SLC22A3: variants seen among roughly 807,000 people sequenced by gnomAD.
SLC22A3 encodes EMT organic cation transporter 3.
Under a neutral mutation model 59.1 loss-of-function variants are expected in SLC22A3, and 51 were observed. The ratio of observed to expected loss-of-function variants is 0.86; its 90% CI spans 0.69 to 1.09. SLC22A3 has a LOEUF of 1.09. Ranked by LOEUF, SLC22A3 falls within the 50% of genes least tolerant of loss-of-function variation. The pLI is 0.00. For synonymous variants in SLC22A3, 325 were observed against 292.0 expected (o/e 1.11, Z -1.15); for missense variants, 711 against 726.3 (o/e 0.98, Z 0.24).
rs988248319 is a variant in SLC22A3, at chr6:160,428,795, C to T, written c.976-7985C>T. On this transcript the variant is annotated intron_variant, in intron 5 of 10. Transcript: ENST00000275300. The stretch of plus-strand genomic sequence containing the variant: ...AATTTTAATACAAATATTTCCCCAT[C>T]GTATATGCTCTTGCATGGTAAATAT... Among the ~76,000 whole-genome samples, 9 of 152,158 alleles carry T rather than the reference C, an allele frequency of 5.9e-5. No individual in the cohort carries two copies. The South Asian group carries it at 6.2e-4, about 11-fold the overall frequency.
intron 1 of SLC22A3, among the ~76,000 whole-genome samples, chr6:160,371,280 C>A (rs1002561614): frequency 2.0e-5 from 3 of 152,030 alleles, no homozygotes; most frequent in Admixed American, 6.6e-5. Flanking sequence ...TTTGCTGCAC[C>A]CATCAACCTG....
chr6:160,408,633 G>A, intron 3 of SLC22A3, 120 bp from the exon 4 acceptor site: 1 of 888,268 alleles, frequency 1.1e-6, no homozygotes, highest in Non-Finnish European at 1.8e-6. Context: ...CTCCGTATCT[G>A]AGTGCTAGCG....
intron 2 of SLC22A3, among the ~76,000 whole-genome samples, chr6:160,406,784 C>T (rs2114851148): frequency 6.6e-6 from 1 of 152,266 alleles, no homozygotes; most frequent in Non-Finnish European, 1.5e-5. Context: ...ACCGGGGAGA[C>T]TCTGTGTGAA....
At chr6:160,378,504 T>TTCC (rs1785677255) in intron 1 of SLC22A3, among the ~76,000 whole-genome samples, 2 of 152,188 alleles carry the variant, frequency 1.3e-5, no homozygotes, top group African/African-American at 4.8e-5. Flanking sequence ...GCTACCATAA[T>TTCC]GTTGAAAGAC....
intron 4 of SLC22A3, 122 bp from the exon 5 acceptor site, chr6:160,410,607 T>C (rs543057275): frequency 4.1e-6 from 3 of 731,716 alleles, no homozygotes; most frequent in African/African-American, 3.5e-5. Context: ...TATTATCAAC[T>C]CTTATTGACT....
intron 1 of SLC22A3, among the ~76,000 whole-genome samples, chr6:160,363,146 T>A (rs1785080587): frequency 1.3e-5 from 2 of 152,008 alleles, no homozygotes; most frequent in Non-Finnish European, 2.9e-5. Context: ...AGGTGGAAGG[T>A]CCGAGAAGAG....
At chr6:160,433,536 A>ACTACTACTACTT (rs2114908551) in intron 5 of SLC22A3, among the ~76,000 whole-genome samples, 1 of 151,190 alleles carries the variant, frequency 6.6e-6, no homozygotes, top group East Asian at 2.0e-4. Context: ...TACTACTACT[A>ACTACTACTACTT]CTACTACTAC....
chr6:160,350,667 ATGAG>A (rs1279743762), intron 1 of SLC22A3, among the ~76,000 whole-genome samples: 1 of 152,246 alleles, frequency 6.6e-6, no homozygotes, highest in Non-Finnish European at 1.5e-5. Flanking sequence ...CGAGGTTTGC[ATGAG>A]TGAGTATGAT....
intron 1 of SLC22A3, among the ~76,000 whole-genome samples, chr6:160,354,490 T>G (rs1002082779): frequency 7.2e-5 from 11 of 152,182 alleles, no homozygotes; most frequent in Non-Finnish European, 1.2e-4. Context: ...AGCTGTAAGT[T>G]TGCTGATCCC....
chr6:160,354,460 T>G lies in SLC22A3; in HGVS notation c.429+5612T>G, dbSNP rs141069768. Among the ~76,000 whole-genome samples the G allele has an allele frequency of 6.5e-3, 991 of 152,304 alleles. 9 individuals carry two copies. Among genetic ancestry groups the G allele is most frequent in the African/African-American group, 0.023 (961 of 41,548 alleles). On this transcript the variant is annotated intron_variant, in intron 1 of 10. Transcript: ENST00000275300. ...CAGGAGGGAGGGAAGGAACAGGCTA[T>G]GGGCCAGATTTGACCCTGGAGCTGT...
chr6:160,396,766 A>G (rs1401301470), intron 1 of SLC22A3, among the ~76,000 whole-genome samples: 1 of 152,122 alleles, frequency 6.6e-6, no homozygotes, highest in Non-Finnish European at 1.5e-5. Flanking sequence ...TTTATCAATT[A>G]TGATCTAAAG....
At chr6:160,396,382 T>C (rs1015658495) in intron 1 of SLC22A3, among the ~76,000 whole-genome samples, 1 of 152,194 alleles carries the variant, frequency 6.6e-6, no homozygotes, top group Non-Finnish European at 1.5e-5. Context: ...AGAGCAGAAC[T>C]GTAGGAGAAC....
intron 1 of SLC22A3, among the ~76,000 whole-genome samples, chr6:160,383,991 G>A (rs1320097669): frequency 1.3e-5 from 2 of 152,264 alleles, no homozygotes; most frequent in Non-Finnish European, 2.9e-5. Flanking sequence ...GTGCAGTGGT[G>A]CCATCTCAGC....
rs77253458 is a variant in SLC22A3, at chr6:160,404,294, A to G, written c.534-2747A>G. ...AAGTCAACTGCTTTCCTATGTACCAACAATGAACAAGTAGGATTTGAATTT... is the reference window on the plus strand; with the variant it reads ...AAGTCAACTGCTTTCCTATGTACCAGCAATGAACAAGTAGGATTTGAATTT... On this transcript the variant is annotated intron_variant, in intron 2 of 10. Transcript: ENST00000275300. Among the ~76,000 whole-genome samples the G allele has an allele frequency of 5.2e-3, 788 of 152,224 alleles. 7 individuals are homozygous for G. The highest frequency in any genetic ancestry group is 0.018 in the African/African-American group (740 of 41,572).
In SLC22A3 at chr6:160,386,680, C is replaced by T. The variant is rs184327021; in HGVS notation, c.430-11299C>T. On this transcript the variant is annotated intron_variant, in intron 1 of 10. Transcript: ENST00000275300. ...CCATGCATAGAGCAGCTGCTGCCAC[C>T]AGCAGCACAGACATCTTCCAAGGGC... Among the ~76,000 whole-genome samples the T allele has an allele frequency of 4.7e-3, 710 of 152,310 alleles. 3 individuals are homozygous for T. The highest frequency in any genetic ancestry group is 0.016 in the African/African-American group (685 of 41,562).
intron 1 of SLC22A3, among the ~76,000 whole-genome samples, chr6:160,366,501 G>A (rs1166253680): frequency 3.3e-5 from 5 of 152,118 alleles, no homozygotes; most frequent in South Asian, 2.1e-4. Flanking sequence ...CTAGGCACAC[G>A]GTGCAAGCTG....
chr6:160,435,544 A>T (rs966535436), intron 5 of SLC22A3, among the ~76,000 whole-genome samples: 4 of 152,230 alleles, frequency 2.6e-5, no homozygotes, highest in Admixed American at 1.3e-4. Context: ...AGATAGGCAT[A>T]AGATATCAAG....
intron 2 of SLC22A3, among the ~76,000 whole-genome samples, chr6:160,402,502 T>A (rs1205067733): frequency 6.6e-6 from 1 of 151,844 alleles, no homozygotes; most frequent in Non-Finnish European, 1.5e-5. Flanking sequence ...CCTATAAAGA[T>A]ATAATTGAAC....
intron 5 of SLC22A3, among the ~76,000 whole-genome samples, chr6:160,426,884 T>G (rs1232295130): frequency 6.6e-6 from 1 of 152,204 alleles, no homozygotes; most frequent in East Asian, 1.9e-4. Flanking sequence ...TAACGCCAGC[T>G]TGCTTTCTGT....
Sources: allele counts gnomAD v4.1 joint callset (sites outside exome capture counted in the v4.1 genomes callset), GRCh38; gene constraint gnomAD v4.1.1; transcripts MANE v1.5; gene names NCBI Gene and HGNC (gene_info 2026-07-23, HGNC 2026-07-21).